Variants in IARS2 observed in about 807,000 individuals in gnomAD.
The protein encoded by IARS2 is isoleucine--tRNA ligase, mitochondrial.
In IARS2, 56 loss-of-function variants were observed where a neutral mutation model predicts 126.3. That is an observed-to-expected ratio of 0.44 (90% CI 0.36 to 0.55). The LOEUF is 0.55. Ranked by LOEUF, IARS2 falls within the 20% of genes least tolerant of loss-of-function variation. IARS2 has a pLI of 0.00. For synonymous variants in IARS2, 407 were observed against 441.1 expected (o/e 0.92, Z 0.97); for missense variants, 1,127 against 1,245.9 (o/e 0.90, Z 1.44).
At chr1:220,142,264 C>T (rs897059819) in intron 20 of IARS2, among the ~76,000 whole-genome samples, 2 of 152,044 alleles carry the variant, frequency 1.3e-5, no homozygotes, top group Admixed American at 1.3e-4. Flanking sequence ...TTTGGGAGGC[C>T]GAGGTGGGCA....
intron 2 of IARS2, among the ~76,000 whole-genome samples, chr1:220,097,563 CTG>C (rs1656472641): frequency 6.6e-6 from 1 of 151,630 alleles, no homozygotes; most frequent in Non-Finnish European, 1.5e-5. Context: ...GGGGGTTTCA[CTG>C]TGTTAGCCAG....
intron 17 of IARS2, 60 bp from the exon 18 acceptor site, chr1:220,138,948 G>C: frequency 6.9e-7 from 1 of 1,459,144 alleles, no homozygotes; most frequent in East Asian, 2.3e-5. Flanking sequence ...TAACTTTTCA[G>C]TGAAAATTGA....
At chr1:220,137,814 C>T (rs1657409576) in intron 16 of IARS2, 104 bp from the exon 17 acceptor site, 4 of 1,273,826 alleles carry the variant, frequency 3.1e-6, no homozygotes, top group Admixed American at 3.8e-5. Context: ...TTTGTACTTA[C>T]ATTGTGCTCA....
At chr1:220,096,898 T>G (rs1382570728) in intron 2 of IARS2, among the ~76,000 whole-genome samples, 1 of 151,978 alleles carries the variant, frequency 6.6e-6, no homozygotes, top group Non-Finnish European at 1.5e-5. Flanking sequence ...TACAAAAAAT[T>G]AGCCACGCAT....
At position 220,094,184 on chromosome 1, in the gene IARS2, G is replaced by A. The variant is rs1656384934; in HGVS notation, c.-33G>A. 1 of 1,516,660 alleles carries A rather than the reference G, an allele frequency of 6.6e-7. No homozygotes were observed. Among genetic ancestry groups the A allele is most frequent in the Non-Finnish European group, 8.8e-7 (1 of 1,137,906 alleles). The allele number at this position is 1,516,660 out of a possible 1,614,324, so 94.0% of individuals were successfully genotyped here. On this transcript the variant is annotated 5_prime_UTR_variant, in exon 1 of 23. Coordinates refer to ENST00000366922, the MANE Select transcript of IARS2 (RefSeq NM_018060.4). Reference sequence around the variant, plus strand: ...CCTGCCCCTTCAAGCTGGGGCGGGAGCGGAGGACCCCGCTCTCAGGGGTTG... The same window carrying A: ...CCTGCCCCTTCAAGCTGGGGCGGGAACGGAGGACCCCGCTCTCAGGGGTTG...
In IARS2 at chr1:220,110,900, G is replaced by A; in HGVS notation, c.1442G>A (p.Trp481Ter). ...KPVVIRASKQ[W>*]FINITDIKTA... Reference sequence around the variant, plus strand: ...GTGGTTATTCGTGCCAGCAAGCAGTGGTTTATAAACATCACGGATATTAAG... The same window carrying A: ...GTGGTTATTCGTGCCAGCAAGCAGTAGTTTATAAACATCACGGATATTAAG... The change falls in exon 11 of 23, where the codon TGG (tryptophan) becomes TAG (stop). Residue 481 changes from tryptophan to a stop codon, truncating the protein, a stop_gained. Coordinates refer to ENST00000366922, the MANE Select transcript of IARS2 (RefSeq NM_018060.4). LOFTEE classifies it high-confidence loss of function. The A allele has an allele frequency of 1.2e-6, 2 of 1,613,720 alleles. No individual in the cohort carries two copies. Among genetic ancestry groups the A allele is most frequent in the Non-Finnish European group, 1.7e-6 (2 of 1,179,908 alleles).
At chr1:220,109,240 A>G (rs1656750156) in intron 10 of IARS2, among the ~76,000 whole-genome samples, 1 of 152,038 alleles carries the variant, frequency 6.6e-6, no homozygotes, top group Non-Finnish European at 1.5e-5. Flanking sequence ...GTCTACTAAA[A>G]ATACAAAAAA....
intron 8 of IARS2, among the ~76,000 whole-genome samples, chr1:220,103,902 A>C (rs545161596): frequency 6.6e-6 from 1 of 152,366 alleles, no homozygotes. Context: ...TTTTCGATAC[A>C]TAATTTTAAT....
intron 14 of IARS2, among the ~76,000 whole-genome samples, chr1:220,127,307 A>G (rs1486835495): frequency 6.6e-6 from 1 of 152,236 alleles, no homozygotes; most frequent in East Asian, 1.9e-4. Context: ...CATCTTCTAT[A>G]CTACATTGCT....
intron 13 of IARS2, among the ~76,000 whole-genome samples, chr1:220,125,546 G>A (rs1350319879): frequency 5.3e-5 from 8 of 152,208 alleles, no homozygotes; most frequent in Admixed American, 4.6e-4. Context: ...GCTCACACCT[G>A]TAATCCTAGC....
At position 220,104,982 on chromosome 1, in the gene IARS2, A is replaced by G. The variant is rs564059605; in HGVS notation, c.1067-909A>G. On this transcript the variant is annotated intron_variant, in intron 8 of 22. Transcript: ENST00000366922. The stretch of plus-strand genomic sequence containing the variant: ...AATTAATCAGTTCAGATACAAGCCA[A>G]TGAGAAGTTTAAACAACCTTAACAA... 5.3e-5 allele frequency among the ~76,000 whole-genome samples: 8 copies of G among 152,356 alleles called. No individual in the cohort carries two copies. In the East Asian group the frequency reaches 1.3e-3, roughly 26 times the overall value.
chr1:220,117,652 A>G (rs745948984), intron 12 of IARS2, among the ~76,000 whole-genome samples: 2 of 152,136 alleles, frequency 1.3e-5, no homozygotes, highest in Non-Finnish European at 2.9e-5. Context: ...TTTAATTGAT[A>G]CATCCTGATA....
chr1:220,145,134 G>C (rs1657561823), intron 21 of IARS2, among the ~76,000 whole-genome samples: 1 of 150,880 alleles, frequency 6.6e-6, no homozygotes. Context: ...TTGACCTGCA[G>C]TTCCACCACG....
chr1:220,108,199 T>G (rs2102821333), intron 10 of IARS2, among the ~76,000 whole-genome samples: 1 of 151,632 alleles, frequency 6.6e-6, no homozygotes, highest in South Asian at 2.1e-4. Flanking sequence ...TAGCTGGGAT[T>G]ACAGGATACA....
intron 8 of IARS2, among the ~76,000 whole-genome samples, chr1:220,105,554 C>G (rs1021695813): frequency 1.3e-5 from 2 of 151,856 alleles, no homozygotes; most frequent in African/African-American, 4.8e-5. Flanking sequence ...GGTTTTCTTT[C>G]CGGAAAAAAA....
At chr1:220,136,652 AAAGAG>A (rs1195608850) in intron 15 of IARS2, among the ~76,000 whole-genome samples, 152 bp from the exon 16 acceptor site, 2 of 151,608 alleles carry the variant, frequency 1.3e-5, no homozygotes, top group Non-Finnish European at 2.9e-5. Flanking sequence ...AAAAAAAAAA[AAAGAG>A]AAGAAAAGAA....
intron 8 of IARS2, among the ~76,000 whole-genome samples, chr1:220,104,089 C>T (rs375154951): frequency 6.6e-6 from 1 of 152,184 alleles, no homozygotes; most frequent in African/African-American, 2.4e-5. Context: ...TCCTCCTGCC[C>T]TGGCCACCCA....
chr1:220,128,579 T>G (rs942160389), intron 14 of IARS2, among the ~76,000 whole-genome samples: 6 of 152,216 alleles, frequency 3.9e-5, no homozygotes, highest in African/African-American at 1.4e-4. Flanking sequence ...TGCATGACTA[T>G]GTATTGAAAA....
chr1:220,111,914 C>T (rs1195273706), intron 11 of IARS2, among the ~76,000 whole-genome samples: 1 of 151,854 alleles, frequency 6.6e-6, no homozygotes, highest in Non-Finnish European at 1.5e-5. Flanking sequence ...TAAATTGCAG[C>T]TCTGCACCGA....
Sources: gnomAD v4.1 joint callset for allele counts (sites outside exome capture counted in the v4.1 genomes callset) on GRCh38, gnomAD v4.1.1 for gene constraint, MANE v1.5 for transcripts, NCBI Gene and HGNC (gene_info 2026-07-23, HGNC 2026-07-21) for gene names.